Variants in HARS2 observed in about 807,000 individuals in gnomAD.
HARS2 encodes histidyl-tRNA synthetase 2, mitochondrial.
HARS2 carries 40 observed loss-of-function variants against 62.4 expected under a neutral mutation model. That is an observed-to-expected ratio of 0.64 (90% CI 0.50 to 0.83). The LOEUF (loss-of-function observed/expected upper bound fraction) is 0.83, where lower values mean the gene tolerates loss of function less well. Among genes scored for constraint, HARS2 ranks in the 40% least tolerant of loss-of-function variants. HARS2 has a pLI of 0.00. For missense variants in HARS2, 569 were observed against 626.4 expected (o/e 0.91, Z 0.98); for synonymous variants, 228 against 227.0 (o/e 1.00, Z -0.04).
At position 140,696,846 on chromosome 5, in the gene HARS2, T is replaced by C. The variant is rs927704093; in HGVS notation, c.827-97T>C. The C allele has an allele frequency of 6.2e-6, 7 of 1,121,738 alleles. No individual in the cohort carries two copies. In the African/African-American group the frequency reaches 9.5e-5, roughly 15 times the overall value. 69.5% of individuals were successfully genotyped at this position (1,121,738 alleles called of 1,614,324 possible). ...CTGGGATCTTTTTTTTTTTTTTTTT[T>C]TTTTAAAGAAAATGAGGAAGACTAG... On this transcript the variant is annotated intron_variant, in intron 8 of 12. Transcript: ENST00000230771.
At chr5:140,691,819 C>T (rs564276450) in intron 1 of HARS2, 63 bp downstream of exon 1, 223 of 1,147,168 alleles carry the variant, frequency 1.9e-4, no homozygotes, top group Middle Eastern at 5.7e-4. Context: ...AACGCATAGC[C>T]TCGCGGCCTG....
chr5:140,695,400 T>G, intron 4 of HARS2, 108 bp from the exon 5 acceptor site: 1 of 1,271,582 alleles, frequency 7.9e-7, no homozygotes, highest in Non-Finnish European at 1.1e-6. Flanking sequence ...GGGAAGGTCC[T>G]TGTTCTTACC....
In HARS2 at chr5:140,696,151, C is replaced by G. The variant is rs778058403; in HGVS notation, c.682C>G (p.Pro228Ala). Reference sequence around the variant, plus strand: ...TGGGATGTTTGCTGTCTGTGGTGTTCCTGAAAGCAAGTTCCGTGCCATCTG... The same window carrying G: ...TGGGATGTTTGCTGTCTGTGGTGTTGCTGAAAGCAAGTTCCGTGCCATCTG... Reference protein sequence around the residue: ...VDGMFAVCGVPESKFRAICSS... With the variant: ...VDGMFAVCGVAESKFRAICSS... Residue 228 changes from proline to alanine, a missense_variant, in exon 7 of 13, where the codon CCT becomes GCT. Pro to Ala is a conservative substitution (Grantham distance 27). Transcript: ENST00000230771. 1 of 1,613,856 alleles carries G rather than the reference C, an allele frequency of 6.2e-7. No homozygotes were observed. Among genetic ancestry groups the G allele is most frequent in the South Asian group, 1.1e-5 (1 of 91,082 alleles).
chr5:140,698,148 C>A, intron 12 of HARS2, 70 bp downstream of exon 12: 2 of 1,386,790 alleles, frequency 1.4e-6, no homozygotes, highest in Non-Finnish European at 2.0e-6. Context: ...AAGAAATATG[C>A]ATCTTCTGGC....
rs778535058 is a variant in HARS2, at chr5:140,694,237, A to G, written c.356A>G (p.Lys119Arg). The change falls in exon 4 of 13, where the codon AAG becomes AGG. Residue 119 changes from lysine to arginine, a missense_variant. Coordinates refer to ENST00000230771, the MANE Select transcript of HARS2 (RefSeq NM_012208.4). ...GEDSGLMYDL[K>R]DQGGELLSLR... ...GACTCTGGGCTCATGTATGATCTGA[A>G]GGATCAAGGTGGAGAGCTGTTGTCC... 1.9e-6 allele frequency: 3 copies of G among 1,613,718 alleles called. No individual in the cohort carries two copies. The highest frequency in any genetic ancestry group is 2.5e-6 in the Non-Finnish European group (3 of 1,179,550).
intron 12 of HARS2, 130 bp downstream of exon 12, chr5:140,698,208 C>T (rs1489057098): frequency 1.1e-6 from 1 of 943,762 alleles, no homozygotes. Flanking sequence ...CAAACACTCA[C>T]TCAAGATGAC....
Position 140,698,641 on chromosome 5 carries a change from C to A in HARS2, c.*89C>A. ...TGGAATTGAGTGATGGACTTCACAA[C>A]AACTAGCCAGGAAGGGTGACAAGTA... is the stretch of plus-strand genomic sequence containing the variant. On this transcript the variant is annotated 3_prime_UTR_variant, in exon 13 of 13. Coordinates refer to ENST00000230771, the MANE Select transcript of HARS2 (RefSeq NM_012208.4). 1.9e-6 allele frequency: 2 copies of A among 1,034,606 alleles called. No individual in the cohort carries two copies. The highest frequency in any genetic ancestry group is 3.1e-6 in the Non-Finnish European group (2 of 650,308). The allele number at this position is 1,034,606 out of a possible 1,614,324, so 64.1% of individuals were successfully genotyped here. A position where few individuals can be genotyped will look rare whatever the true frequency, so the allele number is the denominator to read the frequency against.
rs1417963687 is a variant in HARS2, at chr5:140,697,924, C to G, written c.1315-8C>G. On this transcript the variant is annotated splice_region_variant and splice_polypyrimidine_tract_variant and intron_variant, in intron 11 of 12. Coordinates refer to ENST00000230771, the MANE Select transcript of HARS2 (RefSeq NM_012208.4). ...CTAAGTCCCTTACTCTGTCTTGATC[C>G]TTTTCAGGCAGAGATGCTATACAAG... 1 of 1,613,124 alleles carries G rather than the reference C, an allele frequency of 6.2e-7. No individual in the cohort carries two copies. The highest frequency in any genetic ancestry group is 2.2e-5 in the East Asian group (1 of 44,888).
At chr5:140,693,469 G>T (rs2149851292) in intron 1 of HARS2, 122 bp from the exon 2 acceptor site, 1 of 1,579,874 alleles carries the variant, frequency 6.3e-7, no homozygotes, top group African/African-American at 1.4e-5. Context: ...ATGAAATGGT[G>T]CTTTGGCTTC....
intron 9 of HARS2, 40 bp from the exon 10 acceptor site, chr5:140,697,124 C>T (rs776840666): frequency 8.1e-6 from 13 of 1,613,842 alleles, no homozygotes; most frequent in South Asian, 5.5e-5. Flanking sequence ...CTCAGGGTCC[C>T]GAGTCTAGTT....
At position 140,691,746 on chromosome 5, in the gene HARS2, G is replaced by GC; in HGVS notation, c.100dup (p.Gln34ProfsTer34). On this transcript the variant is annotated frameshift_variant, in exon 1 of 13. Coordinates refer to ENST00000230771, the MANE Select transcript of HARS2 (RefSeq NM_012208.4). LOFTEE classifies it high-confidence loss of function. ...GCTTCGTGCACCGGGGCGGTCCGTT[G>GC]CCAAAGCCAGGTGAGCGAGACAGAA... 1.3e-6 allele frequency: 2 copies of GC among 1,550,330 alleles called. No homozygotes were observed. Among genetic ancestry groups the GC allele is most frequent in the Non-Finnish European group, 1.7e-6 (2 of 1,145,916 alleles).
In HARS2 at chr5:140,695,598, A is replaced by G. The variant is rs775593071; in HGVS notation, c.490A>G (p.Ile164Val). The change falls in exon 5 of 13, where the codon ATA becomes GTA. Residue 164 changes from isoleucine (I) to valine (V), a missense_variant. Physicochemically the swap from Ile to Val is conservative, Grantham distance 29. Coordinates refer to ENST00000230771, the MANE Select transcript of HARS2 (RefSeq NM_012208.4). ...GGTGTGGCGGCGAGAGAGCCCAACC[A>G]TAGTCCAAGGCCGTTATAGGGAGTT... The part of the protein sequence containing the change: ...GKVWRRESPT[I>V]VQGRYREFCQ... 8.1e-6 allele frequency: 13 copies of G among 1,614,242 alleles called. No individual in the cohort carries two copies. The highest frequency in any genetic ancestry group is 1.6e-4 in the Middle Eastern group (1 of 6,062).
rs778259229 is a variant in HARS2, at chr5:140,698,097, A to T, written c.1461+19A>T. 1.2e-6 allele frequency: 2 copies of T among 1,612,658 alleles called. No individual in the cohort carries two copies. The highest frequency in any genetic ancestry group is 1.7e-6 in the Non-Finnish European group (2 of 1,178,770). ...AGAGGAGGTGAGTGGCGGCAGCAGAAATAGAAGGGACGAAGTATTTCTGCC... is the reference window on the plus strand; with the variant it reads ...AGAGGAGGTGAGTGGCGGCAGCAGATATAGAAGGGACGAAGTATTTCTGCC... On this transcript the variant is annotated intron_variant, in intron 12 of 12. Coordinates refer to ENST00000230771, the MANE Select transcript of HARS2 (RefSeq NM_012208.4).
intron 7 of HARS2, 141 bp from the exon 8 acceptor site, chr5:140,696,380 G>T: frequency 1.2e-6 from 1 of 814,252 alleles, no homozygotes; most frequent in Non-Finnish European, 2.1e-6. Flanking sequence ...ATTGTGACTG[G>T]ATTTCTTAAG....
chr5:140,698,157 G>C, intron 12 of HARS2, 79 bp downstream of exon 12: 1 of 1,335,134 alleles, frequency 7.5e-7, no homozygotes, highest in Non-Finnish European at 1.1e-6. Flanking sequence ...GCATCTTCTG[G>C]CTGAGAAATT....
chr5:140,693,609 A>T lies in HARS2; in HGVS notation c.127A>T (p.Thr43Ser). 6.2e-7 allele frequency: 1 copy of T among 1,614,098 alleles called. No individual in the cohort carries two copies. Among genetic ancestry groups the T allele is most frequent in the South Asian group, 1.1e-5 (1 of 91,082 alleles). The change falls in exon 2 of 13, where the codon ACA becomes TCA. Residue 43 changes from threonine to serine, a missense_variant. Thr to Ser is a moderately conservative substitution (Grantham distance 58). Transcript: ENST00000230771. ...CTGCCAGGTTGCAGAGGCAGTGTTA[A>T]CATCCCAACTGAAAGCACATCAAGA... is the stretch of plus-strand genomic sequence containing the variant. ...CQSQVAEAVL[T>S]SQLKAHQEKP... is the part of the protein sequence containing the mutation.
chr5:140,692,167 A>T (rs1759523609), intron 1 of HARS2: 1 of 185,748 alleles, frequency 5.4e-6, no homozygotes, highest in South Asian at 9.3e-5. Context: ...AATTTACCTC[A>T]AAATGAATCT....
chr5:140,693,931 C>T lies in HARS2; in HGVS notation c.184-4C>T, dbSNP rs1581543308. The T allele has an allele frequency of 1.9e-6, 3 of 1,613,866 alleles. No individual in the cohort carries two copies. The highest frequency in any genetic ancestry group is 3.3e-5 in the Admixed American group (2 of 59,984). On this transcript the variant is annotated splice_polypyrimidine_tract_variant and splice_region_variant and intron_variant, in intron 2 of 12. Coordinates refer to ENST00000230771, the MANE Select transcript of HARS2 (RefSeq NM_012208.4). ...TTTTCACTATGGCTGCTTTTGGTTT[C>T]CAGGGTACCAGGGATCTTAGTCCTC...
chr5:140,698,288 G>C lies in HARS2; in HGVS notation c.1462-205G>C, dbSNP rs114654434. Among the ~76,000 whole-genome samples the C allele has an allele frequency of 4.8e-3, 737 of 152,298 alleles. 6 individuals are homozygous for C. The highest frequency in any genetic ancestry group is 0.017 in the African/African-American group (708 of 41,560). On this transcript the variant is annotated intron_variant, in intron 12 of 12. Transcript: ENST00000230771. ...AATGAAATCCGAATGGGTATTTTGA[G>C]ACTAATCAACATAATAGACATAGAT...
Sources: allele counts gnomAD v4.1 joint callset (sites outside exome capture counted in the v4.1 genomes callset), GRCh38; gene constraint gnomAD v4.1.1; transcripts MANE v1.5; gene names NCBI Gene and HGNC (gene_info 2026-07-23, HGNC 2026-07-21).